Variants in PCNX2 observed in about 807,000 individuals in gnomAD.
PCNX2 encodes pecanex 2.
A neutral mutation model predicts 223.8 loss-of-function variants in PCNX2; 168 were observed. That is an observed-to-expected ratio of 0.75 (90% confidence interval 0.66 to 0.85). The LOEUF is 0.85. Among genes scored for constraint, PCNX2 ranks in the 40% least tolerant of loss-of-function variants. The pLI, the probability that PCNX2 is intolerant of heterozygous loss-of-function variation, is 0.00. For synonymous variants in PCNX2, 1,006 were observed against 1,052.6 expected (o/e 0.96, Z 0.86); for missense variants, 2,507 against 2,675.5 (o/e 0.94, Z 1.39).
the PCNX2 span, among the ~76,000 whole-genome samples, chr1:233,303,615 C>G: frequency 2.1e-4 from 32 of 151,072 alleles, no homozygotes; most frequent in African/African-American, 7.5e-4. Context: ...AGAAATGAAC[C>G]TTTTATAATC....
intron 25 of PCNX2, among the ~76,000 whole-genome samples, chr1:233,034,768 G>C (rs1177862324): frequency 6.6e-6 from 1 of 152,180 alleles, no homozygotes. Flanking sequence ...AAGGCCTCAT[G>C]AGAGGTACCT....
intron 1 of PCNX2, among the ~76,000 whole-genome samples, chr1:233,264,130 T>C (rs1464139481): frequency 6.6e-6 from 1 of 152,158 alleles, no homozygotes; most frequent in African/African-American, 2.4e-5. Context: ...AAAGAATCAC[T>C]GGGACCCGTG....
At chr1:233,046,319 C>T (rs1279137267) in intron 25 of PCNX2, among the ~76,000 whole-genome samples, 1 of 152,066 alleles carries the variant, frequency 6.6e-6, no homozygotes, top group African/African-American at 2.4e-5. Context: ...AAGGAAAATG[C>T]TGAAAAGAAA....
rs1416507611 is a variant in PCNX2 at position 233,295,522 on chromosome 1, C to A, written c.-44G>T. ...CTGGTGAGCGCCCCGCTGCACCCTG[C>A]GCGCCCCGGCCGGATCTCCAGGCTC... On this transcript the variant is annotated 5_prime_UTR_variant, in exon 1 of 34. Coordinates refer to ENST00000258229, the MANE Select transcript of PCNX2 (RefSeq NM_014801.4). This position sits in a 1 kb window ranked among gnomAD's most constrained non-coding sequence, Gnocchi z 4.1. 1 of 1,476,244 alleles carries A rather than the reference C, an allele frequency of 6.8e-7. No homozygotes were observed. Among genetic ancestry groups the A allele is most frequent in the Non-Finnish European group, 9.0e-7 (1 of 1,113,246 alleles). 91.4% of individuals were successfully genotyped at this position (1,476,244 alleles called of 1,614,324 possible).
chr1:233,217,797 A>T, intron 12 of PCNX2, 102 bp downstream of exon 12: 1 of 1,212,012 alleles, frequency 8.3e-7, no homozygotes. Context: ...TTCAGTATAG[A>T]GAGCTAGGTA....
chr1:233,232,168 T>C (rs1043158222), intron 9 of PCNX2, among the ~76,000 whole-genome samples: 3 of 152,238 alleles, frequency 2.0e-5, no homozygotes, highest in Non-Finnish European at 4.4e-5. Context: ...ACAAATCATG[T>C]AGATTCTAAA....
chr1:233,276,739 C>T (rs12140862), intron 1 of PCNX2, among the ~76,000 whole-genome samples: 29,555 of 152,080 alleles, frequency 0.19, 2,909 homozygotes, highest in South Asian at 0.25. Context: ...AGAAGTCCCA[C>T]GTTGTTAGCT....
chr1:233,242,572 T>C (rs915924288), intron 8 of PCNX2, among the ~76,000 whole-genome samples: 2 of 152,198 alleles, frequency 1.3e-5, no homozygotes, highest in African/African-American at 4.8e-5. Context: ...AGATTGTCCA[T>C]AGAAGAAAGC....
chr1:233,209,387 T>C (rs997104954), intron 12 of PCNX2, among the ~76,000 whole-genome samples: 1 of 152,126 alleles, frequency 6.6e-6, no homozygotes, highest in Non-Finnish European at 1.5e-5. Flanking sequence ...AAGGAAAAGA[T>C]ACAACATCAA....
intron 1 of PCNX2, among the ~76,000 whole-genome samples, chr1:233,270,058 TC>T (rs1660566861): frequency 6.7e-6 from 1 of 149,972 alleles, no homozygotes; most frequent in Admixed American, 6.6e-5. Context: ...TGGTCATCCA[TC>T]CCCATTCATT....
intron 1 of PCNX2, chr1:233,289,168 A>G: frequency 3.6e-6 from 3 of 834,846 alleles, no homozygotes. Context: ...TAAGCGATAA[A>G]GACAACATGC....
At chr1:233,234,314 G>C (rs1411263534) in intron 9 of PCNX2, among the ~76,000 whole-genome samples, 1 of 152,140 alleles carries the variant, frequency 6.6e-6, no homozygotes, top group Non-Finnish European at 1.5e-5. Flanking sequence ...CCCAGTATGA[G>C]ACTTTGTAAA....
chr1:232,996,160 C>T (rs1669867455), intron 32 of PCNX2, among the ~76,000 whole-genome samples: 1 of 152,218 alleles, frequency 6.6e-6, no homozygotes, highest in South Asian at 2.1e-4. Flanking sequence ...CAGCACCCGG[C>T]CTCCAATTTC....
chr1:233,256,565 T>G (rs1399548492), intron 5 of PCNX2, among the ~76,000 whole-genome samples: 1 of 152,194 alleles, frequency 6.6e-6, no homozygotes, highest in East Asian at 1.9e-4. Context: ...AATTAAAATC[T>G]AATGAAATTA....
chr1:233,166,973 C>A (rs1187844230), intron 17 of PCNX2, among the ~76,000 whole-genome samples: 2 of 152,018 alleles, frequency 1.3e-5, no homozygotes, highest in African/African-American at 4.8e-5. Context: ...GGGAACCCAT[C>A]TCTATATTTA....
chr1:233,182,715 C>T (rs1334525856), intron 15 of PCNX2, among the ~76,000 whole-genome samples: 1 of 151,340 alleles, frequency 6.6e-6, no homozygotes, highest in East Asian at 2.0e-4. Flanking sequence ...GCACAGAGGG[C>T]TCTTCTGTCC....
chr1:233,223,222 C>T (rs1657496103), intron 10 of PCNX2, among the ~76,000 whole-genome samples: 1 of 152,130 alleles, frequency 6.6e-6, no homozygotes, highest in Non-Finnish European at 1.5e-5. Context: ...CTGTCAAATA[C>T]TCCAAATGAG....
intron 21 of PCNX2, among the ~76,000 whole-genome samples, chr1:233,113,371 T>C (rs1406172691): frequency 2.0e-5 from 3 of 152,176 alleles, no homozygotes; most frequent in Non-Finnish European, 4.4e-5. Context: ...GAAATCTAAG[T>C]AATCCATAGG....
At chr1:233,236,713 A>G (rs1658438107) in intron 9 of PCNX2, 132 bp downstream of exon 9, 1 of 1,316,826 alleles carries the variant, frequency 7.6e-7, no homozygotes, top group Non-Finnish European at 1.0e-6. Flanking sequence ...TTGCAGTGAT[A>G]TATCAACAAC....
Sources: gnomAD v4.1 joint callset for allele counts (sites outside exome capture counted in the v4.1 genomes callset) on GRCh38, gnomAD v4.1.1 for gene constraint, Gnocchi (gnomAD v3.1) non-coding constraint, MANE v1.5 for transcripts, NCBI Gene and HGNC (gene_info 2026-07-23, HGNC 2026-07-21) for gene names.